Variants in LRP1B observed in about 807,000 individuals in gnomAD.
The protein encoded by LRP1B is LDL receptor related protein 1B.
Under a neutral mutation model 556.6 loss-of-function variants are expected in LRP1B, and 217 were observed. The observed-to-expected ratio is 0.39, with a 90% CI of 0.35 to 0.44. LRP1B has a LOEUF of 0.44. Ranked by LOEUF, LRP1B falls within the 20% of genes least tolerant of loss-of-function variation. LRP1B has a pLI of 1.00. For synonymous variants in LRP1B, 2,047 were observed against 1,865.8 expected (o/e 1.10, Z -2.50); for missense variants, 5,053 against 5,620.8 (o/e 0.90, Z 3.23).
chr2:140,271,591 G>A (rs1438449253), intron 85 of LRP1B, among the ~76,000 whole-genome samples: 4 of 151,946 alleles, frequency 2.6e-5, no homozygotes, highest in African/African-American at 9.7e-5. Context: ...TTAATTTGAA[G>A]ATGTTTCTGA....
chr2:141,572,145 C>T (rs1186586318), intron 2 of LRP1B, among the ~76,000 whole-genome samples: 2 of 151,964 alleles, frequency 1.3e-5, no homozygotes, highest in African/African-American at 4.8e-5. Flanking sequence ...TCTCCAAGGT[C>T]AAAATGAAGG....
intron 46 of LRP1B, among the ~76,000 whole-genome samples, chr2:140,535,682 T>A (rs1574052721): frequency 6.6e-6 from 1 of 152,140 alleles, no homozygotes; most frequent in African/African-American, 2.4e-5. Flanking sequence ...ATCAGGACAA[T>A]TTTTTAAAAA....
chr2:141,541,999 G>A (rs572711228), intron 2 of LRP1B, among the ~76,000 whole-genome samples: 1 of 151,974 alleles, frequency 6.6e-6, no homozygotes, highest in Non-Finnish European at 1.5e-5. Flanking sequence ...TGCTTTTTTG[G>A]CATTGAGTCA....
chr2:141,681,313 T>G (rs1423196178), intron 2 of LRP1B, among the ~76,000 whole-genome samples: 1 of 151,902 alleles, frequency 6.6e-6, no homozygotes, highest in Non-Finnish European at 1.5e-5. Context: ...TATACTCTAT[T>G]GATTAAATGT....
At chr2:140,665,017 G>C (rs1244709522) in intron 41 of LRP1B, among the ~76,000 whole-genome samples, 1 of 151,800 alleles carries the variant, frequency 6.6e-6, no homozygotes, top group Non-Finnish European at 1.5e-5. Flanking sequence ...TATTTGATAG[G>C]AATTAATAAT....
chr2:141,936,949 C>T (rs1319678138), intron 1 of LRP1B, among the ~76,000 whole-genome samples: 1 of 150,178 alleles, frequency 6.7e-6, no homozygotes, highest in Non-Finnish European at 1.5e-5. Context: ...TAACTAAAGT[C>T]ATAACAACAG....
chr2:140,657,314 A>G (rs1009556340), intron 41 of LRP1B, among the ~76,000 whole-genome samples: 1 of 152,016 alleles, frequency 6.6e-6, no homozygotes, highest in African/African-American at 2.4e-5. Flanking sequence ...ACTGAAAATC[A>G]TTATAACTGC....
intron 1 of LRP1B, among the ~76,000 whole-genome samples, chr2:141,936,906 G>GTTT (rs11312481): frequency 7.0e-6 from 1 of 143,450 alleles, no homozygotes; most frequent in Non-Finnish European, 1.5e-5. Context: ...ACACACATTA[G>GTTT]TTTTTTTTTT....
At position 140,984,884 on chromosome 2, in the gene LRP1B, A is replaced by T. The variant is rs1189712849; in HGVS notation, c.2771-2608T>A. Among the ~76,000 whole-genome samples the T allele has an allele frequency of 1.6e-4, 25 of 152,102 alleles. 1 individual carries two copies. Among genetic ancestry groups the T allele is most frequent in the Admixed American group, 1.3e-4 (2 of 15,240 alleles). Reference sequence around the variant, plus strand: ...TGCTTTATTCCACAAACCCCCAAGGACTGTTTATCTATATGATATAATCAA... The same window carrying T: ...TGCTTTATTCCACAAACCCCCAAGGTCTGTTTATCTATATGATATAATCAA... On this transcript the variant is annotated intron_variant, in intron 17 of 90. Coordinates refer to ENST00000389484, the MANE Select transcript of LRP1B (RefSeq NM_018557.3).
chr2:141,746,975 A>C lies in LRP1B; in HGVS notation c.205+63304T>G, dbSNP rs181036501. On this transcript the variant is annotated intron_variant, in intron 2 of 90. Transcript: ENST00000389484. ...AAAAGCATCGAAAATAATTTTGATGAGCGTCCTTCATGTTAAAAAAAATCT... is the reference window on the plus strand; with the variant it reads ...AAAAGCATCGAAAATAATTTTGATGCGCGTCCTTCATGTTAAAAAAAATCT... 3.0e-3 allele frequency among the ~76,000 whole-genome samples: 261 copies of C among 85,610 alleles called. 1 individual carries two copies. Among genetic ancestry groups the C allele is most frequent in the African/African-American group, 9.2e-3 (229 of 24,838 alleles). 56.2% of individuals were successfully genotyped at this position (85,610 alleles called of 152,430 possible).
chr2:141,605,311 C>T (rs1259204361), intron 2 of LRP1B, among the ~76,000 whole-genome samples: 1 of 151,626 alleles, frequency 6.6e-6, no homozygotes, highest in Non-Finnish European at 1.5e-5. Context: ...CCCACAAATC[C>T]TAAAATATTT....
chr2:140,778,132 G>A (rs955255806), intron 32 of LRP1B, among the ~76,000 whole-genome samples: 1 of 152,150 alleles, frequency 6.6e-6, no homozygotes, highest in South Asian at 2.1e-4. Flanking sequence ...AATGAAAAGT[G>A]CATAAGGTCC....
chr2:141,170,214 G>A (rs1402297625), intron 7 of LRP1B, among the ~76,000 whole-genome samples: 1 of 152,084 alleles, frequency 6.6e-6, no homozygotes, highest in African/African-American at 2.4e-5. Context: ...ATTTTGTATT[G>A]TGCGAGAGAG....
At chr2:140,580,033 T>G (rs941677029) in intron 43 of LRP1B, among the ~76,000 whole-genome samples, 3 of 152,064 alleles carry the variant, frequency 2.0e-5, no homozygotes, top group Non-Finnish European at 2.9e-5. Context: ...CACCACCCAC[T>G]TGGAAAGATT....
chr2:141,439,547 T>C (rs1015160744), intron 3 of LRP1B, among the ~76,000 whole-genome samples: 3 of 152,142 alleles, frequency 2.0e-5, no homozygotes, highest in Non-Finnish European at 4.4e-5. Context: ...TACATTTTTC[T>C]CTAATTATAC....
At chr2:140,346,126 A>ATTT (rs1411609229) in intron 77 of LRP1B, among the ~76,000 whole-genome samples, 1 of 151,480 alleles carries the variant, frequency 6.6e-6, no homozygotes, top group Non-Finnish European at 1.5e-5. Context: ...TGTTATTATT[A>ATTT]TTATTCTATT....
intron 41 of LRP1B, among the ~76,000 whole-genome samples, chr2:140,663,414 T>C (rs538752526): frequency 9.4e-4 from 143 of 152,324 alleles, no homozygotes; most frequent in Non-Finnish European, 1.7e-3. Flanking sequence ...TCAATTATCT[T>C]AGCTAGACCT....
chr2:141,416,316 T>C (rs1247989180), intron 3 of LRP1B, among the ~76,000 whole-genome samples: 1 of 152,104 alleles, frequency 6.6e-6, no homozygotes, highest in Non-Finnish European at 1.5e-5. Context: ...TTAATAATTG[T>C]TTTTCATCTA....
At chr2:140,716,972 G>T (rs1170691266) in intron 35 of LRP1B, among the ~76,000 whole-genome samples, 156 bp from the exon 36 acceptor site, 2 of 151,152 alleles carry the variant, frequency 1.3e-5, no homozygotes, top group Non-Finnish European at 3.0e-5. Flanking sequence ...AATATAAATA[G>T]TAAAAAAAAA....
Sources: allele counts gnomAD v4.1 joint callset (sites outside exome capture counted in the v4.1 genomes callset), GRCh38; gene constraint gnomAD v4.1.1; transcripts MANE v1.5; gene names NCBI Gene and HGNC (gene_info 2026-07-23, HGNC 2026-07-21).